PTBP2: variants seen among roughly 807,000 people sequenced by gnomAD.
The protein encoded by PTBP2 is polypyrimidine tract-binding protein 2.
A neutral mutation model predicts 61.4 loss-of-function variants in PTBP2; 13 were observed. That is an observed-to-expected ratio of 0.21 (90% CI 0.14 to 0.34). The LOEUF (loss-of-function observed/expected upper bound fraction) is 0.34. Among genes scored for constraint, PTBP2 ranks in the 10% least tolerant of loss-of-function variants. The probability of loss-of-function intolerance (pLI) is 1.00; values close to 1 mark genes in which losing one functional copy is unlikely to be tolerated. For synonymous variants in PTBP2, 215 were observed against 218.5 expected, an observed-to-expected ratio of 0.98 and a Z score of 0.14; for missense variants, 405 against 642.6, an observed-to-expected ratio of 0.63 and a Z score of 4.00.
Position 96,725,901 on chromosome 1 carries a change from C to G in PTBP2, c.39+2307C>G, listed in dbSNP as rs903097523. 1.1e-4 allele frequency among the ~76,000 whole-genome samples: 16 copies of G among 151,436 alleles called. No individual in the cohort carries two copies. The East Asian group carries it at 2.6e-3, about 25-fold the overall frequency. Reference sequence around the variant, plus strand: ...CCATCCTGGCTAACACGGTGAAACCCTGTCTTTACTAAAAATACAAAAAAT... The same window carrying G: ...CCATCCTGGCTAACACGGTGAAACCGTGTCTTTACTAAAAATACAAAAAAT... On this transcript the variant is annotated intron_variant, in intron 2 of 13. Coordinates refer to ENST00000674951, the MANE Select transcript of PTBP2 (RefSeq NM_021190.4).
intron 8 of PTBP2, among the ~76,000 whole-genome samples, chr1:96,789,227 CTCA>C (rs150784917): frequency 0.054 from 8,229 of 152,018 alleles, 326 homozygotes; most frequent in Middle Eastern, 0.082. Context: ...AACAGGCATT[CTCA>C]TCATAAAGTT....
chr1:96,779,180 C>CT (rs924808102), intron 7 of PTBP2, among the ~76,000 whole-genome samples: 53 of 151,256 alleles, frequency 3.5e-4, no homozygotes, highest in South Asian at 2.3e-3. Context: ...AATTAGAATT[C>CT]TTTTTTTTTG....
At chr1:96,752,803 GT>G (rs1403292476) in intron 3 of PTBP2, among the ~76,000 whole-genome samples, 4 of 152,108 alleles carry the variant, frequency 2.6e-5, no homozygotes, top group African/African-American at 9.7e-5. Context: ...CAAAAAGTAT[GT>G]AACTGAATAA....
intron 3 of PTBP2, among the ~76,000 whole-genome samples, chr1:96,762,475 C>A (rs1180281112): frequency 7.3e-6 from 1 of 136,276 alleles, no homozygotes; most frequent in Non-Finnish European, 1.6e-5. Context: ...CCGGACGGGG[C>A]GGCTGGCCGG....
At chr1:96,772,112 C>A (rs1479701834) in intron 5 of PTBP2, among the ~76,000 whole-genome samples, 1 of 152,134 alleles carries the variant, frequency 6.6e-6, no homozygotes, top group African/African-American at 2.4e-5. Context: ...CCCACAAGAT[C>A]TCCTGAGACA....
chr1:96,721,886 C>T lies in PTBP2; in HGVS notation c.8+14C>T, dbSNP rs374529117. 3 of 1,574,366 alleles carry T rather than the reference C, an allele frequency of 1.9e-6. No homozygotes were observed. The African/African-American group carries it at 4.0e-5, about 21-fold the overall frequency. On this transcript the variant is annotated intron_variant, in intron 1 of 13. Coordinates refer to ENST00000674951, the MANE Select transcript of PTBP2 (RefSeq NM_021190.4). ...GGCAATGGACGGGTATGTAATCGGG[C>T]CGGCGAGAAGGTGTGTGTGAGAGAG...
intron 2 of PTBP2, among the ~76,000 whole-genome samples, chr1:96,746,075 C>A (rs12030015): frequency 0.58 from 86,037 of 149,128 alleles, 25,404 homozygotes; most frequent in African/African-American, 0.71. Context: ...CAAAAACAAA[C>A]AAAAAAAAAC....
chr1:96,804,248 A>T (rs1184067868), intron 8 of PTBP2, among the ~76,000 whole-genome samples: 1 of 152,138 alleles, frequency 6.6e-6, no homozygotes, highest in Non-Finnish European at 1.5e-5. Context: ...AGGCAAGCAC[A>T]TTTTGCTAAG....
chr1:96,804,604 G>T (rs1274378335), intron 8 of PTBP2, among the ~76,000 whole-genome samples, 196 bp from the exon 9 acceptor site: 1 of 152,146 alleles, frequency 6.6e-6, no homozygotes, highest in Admixed American at 6.5e-5. Context: ...TAATGGTTTT[G>T]TTGAAATCAA....
At chr1:96,771,609 TTGA>T (rs1657389904) in intron 5 of PTBP2, 1 of 152,046 alleles carries the variant, frequency 6.6e-6, no homozygotes, top group African/African-American at 2.4e-5. Flanking sequence ...CTTTTTTAAT[TTGA>T]TGATGAGTTT....
At chr1:96,767,888 A>G (rs1656919275) in intron 3 of PTBP2, among the ~76,000 whole-genome samples, 1 of 152,112 alleles carries the variant, frequency 6.6e-6, no homozygotes, top group African/African-American at 2.4e-5. Flanking sequence ...AGAGCTACCC[A>G]GCCAAGATTT....
chr1:96,748,230 ACT>A (rs1363652222), intron 2 of PTBP2, among the ~76,000 whole-genome samples: 1 of 151,666 alleles, frequency 6.6e-6, no homozygotes, highest in Non-Finnish European at 1.5e-5. Flanking sequence ...GAGCCCAGAG[ACT>A]CTTGTCACCC....
At chr1:96,760,978 G>T (rs1655774551) in intron 3 of PTBP2, among the ~76,000 whole-genome samples, 1 of 152,134 alleles carries the variant, frequency 6.6e-6, no homozygotes, top group African/African-American at 2.4e-5. Flanking sequence ...CAAAAGAATG[G>T]TTAGTAGTAC....
Position 96,765,166 on chromosome 1 carries a change from G to A in PTBP2, c.116-4537G>A, listed in dbSNP as rs376935536. Among the ~76,000 whole-genome samples the A allele has an allele frequency of 2.6e-5, 4 of 151,800 alleles. No homozygotes were observed. In the East Asian group the frequency reaches 5.8e-4, roughly 22 times the overall value. On this transcript the variant is annotated intron_variant, in intron 3 of 13. Transcript: ENST00000674951. ...TGTTTTTCTAAAGCTAGAAAACACT[G>A]CTTTGCCTTGAAGTCTAAAACTGCT... is the stretch of plus-strand genomic sequence containing the variant.
chr1:96,746,870 T>C (rs61786391), intron 2 of PTBP2, among the ~76,000 whole-genome samples: 23 of 44,108 alleles, frequency 5.2e-4, no homozygotes, highest in South Asian at 1.4e-3. Context: ...TCCGTCCGTC[T>C]GTCCCTCCCT....
Position 96,721,815 on chromosome 1 carries a change from G to T in PTBP2, c.-50G>T. The T allele has an allele frequency of 1.3e-6, 2 of 1,552,776 alleles. No individual in the cohort carries two copies. Among genetic ancestry groups the T allele is most frequent in the Non-Finnish European group, 1.7e-6 (2 of 1,147,600 alleles). On this transcript the variant is annotated 5_prime_UTR_variant, in exon 1 of 14. Transcript: ENST00000674951. ...CATTTTCTCGCCGCTTGTGTGGCTC[G>T]CTGGCTGCGTGGCTCGGTTCTTGTG...
intron 11 of PTBP2, 126 bp downstream of exon 11, chr1:96,807,084 A>G: frequency 1.5e-6 from 1 of 664,440 alleles, no homozygotes; most frequent in Non-Finnish European, 2.4e-6. Context: ...AGGGCTCAAA[A>G]TGTCATTTTA....
chr1:96,780,540 A>T (rs574100138), intron 7 of PTBP2, among the ~76,000 whole-genome samples: 2 of 152,166 alleles, frequency 1.3e-5, no homozygotes, highest in East Asian at 3.9e-4. Flanking sequence ...TCCTTGTCTT[A>T]CTTAATACCT....
intron 3 of PTBP2, among the ~76,000 whole-genome samples, chr1:96,752,572 T>C (rs1654685663): frequency 6.6e-6 from 1 of 152,146 alleles, no homozygotes; most frequent in African/African-American, 2.4e-5. Context: ...CAAAGCAAAA[T>C]CACTGGGCCT....
Sources: gnomAD v4.1 joint callset for allele counts (sites outside exome capture counted in the v4.1 genomes callset) on GRCh38, gnomAD v4.1.1 for gene constraint, MANE v1.5 for transcripts, NCBI Gene and HGNC (gene_info 2026-07-23, HGNC 2026-07-21) for gene names.